The following TTC21B variants were observed in gnomAD, a reference collection of about 807,000 sequenced individuals.
TTC21B encodes tetratricopeptide repeat protein 21B.
Under a neutral mutation model 175.1 loss-of-function variants are expected in TTC21B, and 127 were observed. That is an observed-to-expected ratio of 0.73 (90% confidence interval 0.63 to 0.84). TTC21B has a LOEUF of 0.84. TTC21B is among the 40% of genes least tolerant of loss of function. The pLI is 0.00. For synonymous variants in TTC21B, 524 were observed against 524.5 expected (o/e 1.00, Z 0.01); for missense variants, 1,561 against 1,558.3 (o/e 1.00, Z -0.03).
At chr2:165,912,282 A>G (rs1685978314) in intron 17 of TTC21B, among the ~76,000 whole-genome samples, 1 of 152,174 alleles carries the variant, frequency 6.6e-6, no homozygotes, top group South Asian at 2.1e-4. Context: ...TTTGGTAGCA[A>G]GGATTCTAGC....
At chr2:165,916,119 A>G (rs1398023040) in intron 14 of TTC21B, among the ~76,000 whole-genome samples, 2 of 152,162 alleles carry the variant, frequency 1.3e-5, no homozygotes, top group Admixed American at 1.3e-4. Context: ...CCTCTACAAA[A>G]TATTTTAAAA....
At chr2:165,938,095 A>T (rs1687225864) in intron 6 of TTC21B, among the ~76,000 whole-genome samples, 1 of 124,830 alleles carries the variant, frequency 8.0e-6, no homozygotes, top group Admixed American at 8.9e-5. Context: ...CTGTGCAATT[A>T]TAATGACTAA....
intron 1 of TTC21B, 36 bp downstream of exon 1, chr2:165,953,649 C>CCGCCCGCT (rs1159975724): frequency 1.1e-6 from 1 of 874,560 alleles, no homozygotes; most frequent in African/African-American, 3.1e-5. Flanking sequence ...CTCCGCCCGC[C>CCGCCCGCT]CGCCCGCTCA....
Position 165,943,334 on chromosome 2 carries a change from A to C in TTC21B, c.437T>G (p.Val146Gly), listed in dbSNP as rs200916501. 5.5e-5 allele frequency: 88 copies of C among 1,606,386 alleles called. No individual in the cohort carries two copies. The highest frequency in any genetic ancestry group is 1.5e-4 in the Admixed American group (9 of 59,910). The change falls in exon 5 of 29, where the codon GTT becomes GGT. Residue 146 changes from valine to glycine, a missense_variant. Transcript: ENST00000243344. ...KISDGSKQGHVLKAWLDITRG... is the reference protein window; with the variant it reads ...KISDGSKQGHGLKAWLDITRG... ...TGTAATATCAAGCCATGCTTTCAAA[A>C]CGTGTCCCTGTAAAATGAATAATTC...
chr2:165,901,234 T>C (rs770994029), intron 20 of TTC21B, among the ~76,000 whole-genome samples: 1 of 152,280 alleles, frequency 6.6e-6, no homozygotes. Flanking sequence ...TAAGGCATCA[T>C]GTAAGATTTT....
chr2:165,885,490 T>A (rs970776241), intron 25 of TTC21B, among the ~76,000 whole-genome samples: 1 of 152,154 alleles, frequency 6.6e-6, no homozygotes, highest in Non-Finnish European at 1.5e-5. Flanking sequence ...AACCAACTGG[T>A]TGTAGGTTAT....
intron 26 of TTC21B, among the ~76,000 whole-genome samples, chr2:165,882,025 T>C (rs1408852746): frequency 7.2e-5 from 11 of 152,088 alleles, no homozygotes; most frequent in Admixed American, 7.2e-4. Context: ...CCAATAAAGC[T>C]CAGCACAGCT....
intron 3 of TTC21B, among the ~76,000 whole-genome samples, chr2:165,946,026 A>G (rs1687546578): frequency 6.6e-6 from 1 of 152,218 alleles, no homozygotes; most frequent in South Asian, 2.1e-4. Flanking sequence ...GCACATCACA[A>G]TTAAGATGCT....
chr2:165,919,566 C>T, intron 12 of TTC21B, 133 bp from the exon 13 acceptor site: 2 of 959,560 alleles, frequency 2.1e-6, no homozygotes, highest in Non-Finnish European at 1.6e-6. Context: ...TGTTCATAGG[C>T]CATGGTTTAA....
chr2:165,904,210 C>T (rs1685654892), intron 19 of TTC21B, among the ~76,000 whole-genome samples: 1 of 152,126 alleles, frequency 6.6e-6, no homozygotes, highest in Admixed American at 6.5e-5. Context: ...CTTGTAGCTT[C>T]TGGTAACTAA....
intron 20 of TTC21B, among the ~76,000 whole-genome samples, chr2:165,900,556 A>G (rs1266909173): frequency 6.6e-6 from 1 of 152,168 alleles, no homozygotes; most frequent in Non-Finnish European, 1.5e-5. Flanking sequence ...TAAATGTGCT[A>G]CACCAAAATT....
chr2:165,927,042 ATGTG>A (rs1193934479), intron 11 of TTC21B, among the ~76,000 whole-genome samples: 2 of 74,238 alleles, frequency 2.7e-5, no homozygotes, highest in South Asian at 4.5e-4. Flanking sequence ...ATATATATAT[ATGTG>A]TATATATATA....
intron 1 of TTC21B, among the ~76,000 whole-genome samples, chr2:165,951,481 T>C (rs1240114550): frequency 6.6e-6 from 1 of 152,210 alleles, no homozygotes; most frequent in Non-Finnish European, 1.5e-5. Context: ...CAAGACCTCT[T>C]GTCTATGTTC....
At chr2:165,926,451 A>C (rs918209833) in intron 11 of TTC21B, among the ~76,000 whole-genome samples, 1 of 152,094 alleles carries the variant, frequency 6.6e-6, no homozygotes, top group Non-Finnish European at 1.5e-5. Flanking sequence ...GGATGACCTC[A>C]TCTCTGACTA....
Position 165,911,362 on chromosome 2 carries a change from T to C in TTC21B, c.2426A>G (p.Glu809Gly). 6.2e-7 allele frequency: 1 copy of C among 1,613,958 alleles called. No homozygotes were observed. The highest frequency in any genetic ancestry group is 8.5e-7 in the Non-Finnish European group (1 of 1,179,908). ...LLKLKWYDKA[E>G]KVLQHALAHE... is the part of the protein sequence containing the mutation. ...AGCCAGAGCATGCTGAAGAACTTTT[T>C]CTGCTTTGTCATACCATTTCAATTT... is the stretch of plus-strand genomic sequence containing the variant. Residue 809 changes from glutamate (E) to glycine (G), a missense_variant, in exon 18 of 29, where the codon GAA (glutamate) becomes GGA (glycine). Transcript: ENST00000243344.
chr2:165,950,070 T>TAAAA (rs769740344), intron 1 of TTC21B, among the ~76,000 whole-genome samples: 1 of 128,918 alleles, frequency 7.8e-6, no homozygotes, highest in Non-Finnish European at 1.6e-5. Flanking sequence ...AAACAGGAAC[T>TAAAA]AAAAAAAAAA....
intron 14 of TTC21B, among the ~76,000 whole-genome samples, chr2:165,916,493 A>G: frequency 6.6e-6 from 1 of 152,182 alleles, no homozygotes; most frequent in Non-Finnish European, 1.5e-5. Context: ...ATCTGACTTT[A>G]TAATATTCCT....
intron 1 of TTC21B, among the ~76,000 whole-genome samples, chr2:165,950,647 G>T (rs1420962762): frequency 1.3e-5 from 2 of 152,184 alleles, no homozygotes; most frequent in African/African-American, 4.8e-5. Flanking sequence ...TGGAGATTCT[G>T]TCACTCAGGC....
In TTC21B at chr2:165,880,752, C is replaced by T. The variant is rs775499676; in HGVS notation, c.3732G>A (p.Glu1244=). 1.2e-6 allele frequency: 2 copies of T among 1,613,186 alleles called. No individual in the cohort carries two copies. Among genetic ancestry groups the T allele is most frequent in the African/African-American group, 1.3e-5 (1 of 74,892 alleles). ...TCAAGGCAGCATCTGTATATGCTTG[C>T]TCTTTTTCCATAATGTATCCCATAT... The part of the protein sequence containing the change: ...YEYMGYIMEK[E]QAYTDAALNY... The change falls in exon 27 of 29, where the codon GAG becomes GAA. Residue 1244 remains glutamate (E), a synonymous_variant. Coordinates refer to ENST00000243344, the MANE Select transcript of TTC21B (RefSeq NM_024753.5).
Sources: gnomAD v4.1 joint callset for allele counts (sites outside exome capture counted in the v4.1 genomes callset) on GRCh38, gnomAD v4.1.1 for gene constraint, MANE v1.5 for transcripts, NCBI Gene and HGNC (gene_info 2026-07-23, HGNC 2026-07-21) for gene names.